FARS2: variants seen among roughly 807,000 people sequenced by gnomAD.
FARS2 encodes phenylalanyl-tRNA synthetase 2, mitochondrial.
Under a neutral mutation model 46.4 loss-of-function variants are expected in FARS2, and 40 were observed. The ratio of observed to expected loss-of-function variants is 0.86; its 90% CI spans 0.67 to 1.12. The LOEUF is 1.12. Among genes scored for constraint, FARS2 ranks in the 50% most tolerant of loss-of-function variants. The pLI is 0.00. For missense variants in FARS2, 513 were observed against 567.9 expected, an observed-to-expected ratio of 0.90 and a Z score of 0.98; for synonymous variants, 234 against 214.9, an observed-to-expected ratio of 1.09 and a Z score of -0.78.
chr6:5,680,812 A>G (rs1046026989), intron 6 of FARS2, among the ~76,000 whole-genome samples: 4 of 151,270 alleles, frequency 2.6e-5, no homozygotes, highest in Non-Finnish European at 5.9e-5. Flanking sequence ...AATTTGTTCT[A>G]ATAGAAAAAT....
intron 5 of FARS2, among the ~76,000 whole-genome samples, chr6:5,602,934 A>G (rs563043604): frequency 1.3e-5 from 2 of 152,244 alleles, no homozygotes; most frequent in Admixed American, 6.5e-5. Context: ...GGCTTTGTGA[A>G]TATTATTTCA....
chr6:5,292,545 C>A lies in FARS2; in HGVS notation c.-22+30885C>A, dbSNP rs1330398595. Among the ~76,000 whole-genome samples, 3 of 152,140 alleles carry A rather than the reference C, an allele frequency of 2.0e-5. No homozygotes were observed. The East Asian group carries it at 5.8e-4, about 29-fold the overall frequency. ...TGAAGAGAAGGAAGACTAAAGGATA[C>A]CTCCCAGTTTTCTGGATTGGGTACT... On this transcript the variant is annotated intron_variant, in intron 1 of 6. Transcript: ENST00000274680.
intron 6 of FARS2, among the ~76,000 whole-genome samples, chr6:5,621,652 T>A (rs1227115888): frequency 6.6e-6 from 1 of 152,170 alleles, no homozygotes; most frequent in Non-Finnish European, 1.5e-5. Flanking sequence ...TCCCTTCTAA[T>A]CCCTTATGAA....
chr6:5,355,958 A>G (rs562719745), intron 1 of FARS2, among the ~76,000 whole-genome samples: 5 of 152,148 alleles, frequency 3.3e-5, no homozygotes, highest in Non-Finnish European at 7.4e-5. Flanking sequence ...AGGCGCTTTC[A>G]TGGGCATTTA....
At chr6:5,498,714 G>T (rs1006040577) in intron 4 of FARS2, among the ~76,000 whole-genome samples, 1 of 152,126 alleles carries the variant, frequency 6.6e-6, no homozygotes, top group Non-Finnish European at 1.5e-5. Flanking sequence ...CTTACCACCA[G>T]CATTTAGTCA....
In FARS2 at chr6:5,343,460, C is replaced by T. The variant is rs531193343; in HGVS notation, c.-21-25090C>T. Among the ~76,000 whole-genome samples, 17 of 152,292 alleles carry T rather than the reference C, an allele frequency of 1.1e-4. No homozygotes were observed. In the East Asian group the frequency reaches 2.1e-3, roughly 19 times the overall value. ...CTCCTGACCTCAGGTGATCCACCCG[C>T]CTCGGCCTCTGAAAGTGCTGGGATT... On this transcript the variant is annotated intron_variant, in intron 1 of 6. Coordinates refer to ENST00000274680, the MANE Select transcript of FARS2 (RefSeq NM_006567.5). This position sits in a 1 kb window ranked among gnomAD's most constrained non-coding sequence, Gnocchi z 4.5.
In FARS2 at chr6:5,461,314, A is replaced by G. The variant is rs191069270; in HGVS notation, c.904+30142A>G. ...CTTGGCCTCCCAAAGTGCGGAGATT[A>G]CAGGCATGAGCCACCACGCCTGGCC... is the stretch of plus-strand genomic sequence containing the variant. On this transcript the variant is annotated intron_variant, in intron 4 of 6. Transcript: ENST00000274680. Among the ~76,000 whole-genome samples the G allele has an allele frequency of 2.5e-3, 375 of 152,324 alleles. 1 individual carries two copies. Among genetic ancestry groups the G allele is most frequent in the African/African-American group, 8.8e-3 (364 of 41,558 alleles).
In FARS2 at chr6:5,557,792, A is replaced by G. The variant is rs145983906; in HGVS notation, c.1065+12452A>G. On this transcript the variant is annotated intron_variant, in intron 5 of 6. Coordinates refer to ENST00000274680, the MANE Select transcript of FARS2 (RefSeq NM_006567.5). ...TTTAATGCTTTAATCCTAGTTAAACATAACATGTTCCTTTTGCATAGAACT... is the reference window on the plus strand; with the variant it reads ...TTTAATGCTTTAATCCTAGTTAAACGTAACATGTTCCTTTTGCATAGAACT... 7.9e-4 allele frequency among the ~76,000 whole-genome samples: 121 copies of G among 152,272 alleles called. 1 individual carries two copies. Among genetic ancestry groups the G allele is most frequent in the African/African-American group, 2.8e-3 (117 of 41,530 alleles).
intron 4 of FARS2, among the ~76,000 whole-genome samples, chr6:5,465,335 A>C (rs1765454058): frequency 6.6e-6 from 1 of 152,224 alleles, no homozygotes; most frequent in Non-Finnish European, 1.5e-5. Context: ...CACGGTTAGC[A>C]AGGTGGTTGG....
intron 1 of FARS2, among the ~76,000 whole-genome samples, chr6:5,350,169 ATTTTT>A (rs57211565): frequency 7.6e-6 from 1 of 131,708 alleles, no homozygotes; most frequent in Non-Finnish European, 1.6e-5. Context: ...TGCCTGGCAA[ATTTTT>A]TTTTTTTTTT....
intron 6 of FARS2, among the ~76,000 whole-genome samples, chr6:5,661,729 G>A (rs1239580802): frequency 6.6e-6 from 1 of 152,182 alleles, no homozygotes; most frequent in African/African-American, 2.4e-5. Context: ...AGAGTGGGTT[G>A]AAAATGAAGT....
intron 6 of FARS2, among the ~76,000 whole-genome samples, chr6:5,640,611 C>T (rs1194300707): frequency 1.3e-5 from 2 of 152,198 alleles, no homozygotes; most frequent in Admixed American, 6.5e-5. Flanking sequence ...CGGCCACATC[C>T]CACTGCCCTT....
intron 5 of FARS2, chr6:5,609,845 G>T: frequency 9.4e-7 from 1 of 1,064,872 alleles, no homozygotes; most frequent in Non-Finnish European, 1.4e-6. Flanking sequence ...TCTCTTAGGT[G>T]ATGTTCTTCA....
At chr6:5,511,806 A>C (rs1441747800) in intron 4 of FARS2, among the ~76,000 whole-genome samples, 3 of 152,124 alleles carry the variant, frequency 2.0e-5, no homozygotes, top group Non-Finnish European at 4.4e-5. Flanking sequence ...TCTCATAAGC[A>C]CCCCTTTTAT....
At chr6:5,534,325 T>C (rs768998877) in intron 4 of FARS2, among the ~76,000 whole-genome samples, 1 of 152,220 alleles carries the variant, frequency 6.6e-6, no homozygotes, top group Non-Finnish European at 1.5e-5. Context: ...AAGTGTACAA[T>C]TCAGTGGCAT....
chr6:5,718,033 G>A (rs1381756706), intron 6 of FARS2, among the ~76,000 whole-genome samples: 1 of 151,408 alleles, frequency 6.6e-6, no homozygotes, highest in Admixed American at 6.6e-5. Flanking sequence ...TCAAACCTCA[G>A]CCTCCTGAGT....
chr6:5,672,304 C>T (rs1461514289), intron 6 of FARS2, among the ~76,000 whole-genome samples: 2 of 152,232 alleles, frequency 1.3e-5, no homozygotes, highest in Non-Finnish European at 2.9e-5. Flanking sequence ...CTCAGCCTCA[C>T]TATCCCCTGG....
At chr6:5,633,164 A>G (rs1225841085) in intron 6 of FARS2, among the ~76,000 whole-genome samples, 1 of 144,608 alleles carries the variant, frequency 6.9e-6, no homozygotes, top group Non-Finnish European at 1.5e-5. Context: ...AGATCTCACT[A>G]TGTTGCCCAG....
intron 4 of FARS2, among the ~76,000 whole-genome samples, chr6:5,503,373 A>AACAC (rs72295741): frequency 0.02 from 2,736 of 136,230 alleles, 49 homozygotes; most frequent in South Asian, 0.081. Flanking sequence ...AGGTATTCTT[A>AACAC]ACACACACAC....
Sources: allele counts gnomAD v4.1 joint callset (sites outside exome capture counted in the v4.1 genomes callset), GRCh38; gene constraint gnomAD v4.1.1; non-coding constraint Gnocchi (gnomAD v3.1); transcripts MANE v1.5; gene names NCBI Gene and HGNC (gene_info 2026-07-23, HGNC 2026-07-21).